The following EVI5 variants were observed in gnomAD, a reference collection of about 807,000 sequenced individuals.
EVI5 encodes ecotropic viral integration site 5.
Under a neutral mutation model 112.0 loss-of-function variants are expected in EVI5, and 73 were observed. The observed-to-expected ratio is 0.65, with a 90% confidence interval of 0.54 to 0.79. The LOEUF (loss-of-function observed/expected upper bound fraction) is 0.79, where lower values mean the gene tolerates loss of function less well. Ranked by LOEUF, EVI5 falls within the 30% of genes least tolerant of loss-of-function variation. The pLI, the probability that EVI5 is intolerant of heterozygous loss-of-function variation, is 0.00. For missense variants in EVI5, 900 were observed against 968.8 expected (o/e 0.93, Z 0.94); for synonymous variants, 305 against 319.9 (o/e 0.95, Z 0.50).
At chr1:92,514,655 C>A (rs1196023547) in intron 19 of EVI5, among the ~76,000 whole-genome samples, 1 of 152,134 alleles carries the variant, frequency 6.6e-6, no homozygotes, top group Non-Finnish European at 1.5e-5. Context: ...GTACCCATCA[C>A]CTAATTTCAA....
At chr1:92,514,061 C>T (rs1659482797) in intron 19 of EVI5, 91 bp from the exon 20 acceptor site, 2 of 757,130 alleles carry the variant, frequency 2.6e-6, no homozygotes, top group East Asian at 2.7e-5. Flanking sequence ...GAAGAAGATG[C>T]CTTATTATTT....
chr1:92,760,990 G>A (rs1441714563), intron 1 of EVI5, among the ~76,000 whole-genome samples: 2 of 149,326 alleles, frequency 1.3e-5, no homozygotes, highest in Non-Finnish European at 3.0e-5. Context: ...CCCGGGAGGC[G>A]GAGCCTGCAG....
intron 1 of EVI5, among the ~76,000 whole-genome samples, chr1:92,775,100 A>G (rs1485235970): frequency 6.6e-6 from 1 of 152,234 alleles, no homozygotes; most frequent in Non-Finnish European, 1.5e-5. Flanking sequence ...TGCACCGCAT[A>G]AGAACATTTC....
chr1:92,761,827 C>G (rs1327740592), intron 1 of EVI5, among the ~76,000 whole-genome samples: 1 of 152,134 alleles, frequency 6.6e-6, no homozygotes, highest in African/African-American at 2.4e-5. Context: ...GGATTTAAGA[C>G]TAGTACAAAT....
In EVI5 at chr1:92,783,523, G is replaced by T. The variant is rs1307276159; in HGVS notation, c.-82+1313C>A. Among the ~76,000 whole-genome samples the T allele has an allele frequency of 6.3e-4, 88 of 139,852 alleles. 2 individuals are homozygous for T. Among genetic ancestry groups the T allele is most frequent in the African/African-American group, 2.3e-3 (85 of 37,586 alleles). The allele number at this position is 139,852 out of a possible 152,430, so 91.7% of individuals were successfully genotyped here. A position where few individuals can be genotyped will look rare whatever the true frequency, so the allele number is the denominator to read the frequency against. On this transcript the variant is annotated intron_variant, in intron 1 of 19. Coordinates refer to ENST00000684568, the MANE Select transcript of EVI5 (RefSeq NM_001350197.2). ...AAAAAAAAAAGAAAAGAAAAGAAAAGAAAAAGAAGGCCGGGCACGGTGGCT... is the reference window on the plus strand; with the variant it reads ...AAAAAAAAAAGAAAAGAAAAGAAAATAAAAAGAAGGCCGGGCACGGTGGCT...
In EVI5 at chr1:92,679,274, G is replaced by A. The variant is rs1469895364; in HGVS notation, c.1098-2056C>T. Among the ~76,000 whole-genome samples the A allele has an allele frequency of 3.9e-5, 6 of 152,264 alleles. No homozygotes were observed. The South Asian group carries it at 6.2e-4, about 16-fold the overall frequency. On this transcript the variant is annotated intron_variant, in intron 9 of 19. Coordinates refer to ENST00000684568, the MANE Select transcript of EVI5 (RefSeq NM_001350197.2). ...CATAAGTGGAGAAATGGTCTTCCAC[G>A]AAAGCGGTCCCTAGTGTCAAAAAGG... is the stretch of plus-strand genomic sequence containing the variant.
intron 5 of EVI5, chr1:92,700,773 T>C (rs142623320): frequency 6.6e-6 from 1 of 152,178 alleles, no homozygotes; most frequent in African/African-American, 2.4e-5. Context: ...ATAAAAGGAA[T>C]AGAACAGCAG....
At chr1:92,663,198 T>C (rs896797332) in intron 12 of EVI5, among the ~76,000 whole-genome samples, 1 of 152,178 alleles carries the variant, frequency 6.6e-6, no homozygotes, top group Non-Finnish European at 1.5e-5. Context: ...TTGAAATAAA[T>C]ACTTTAAAAA....
chr1:92,546,483 G>C (rs942172876), intron 19 of EVI5, among the ~76,000 whole-genome samples: 1 of 152,118 alleles, frequency 6.6e-6, no homozygotes, highest in African/African-American at 2.4e-5. Flanking sequence ...TGGATCACAA[G>C]GTCAGGAGTT....
chr1:92,670,465 G>A (rs568243546), intron 10 of EVI5, among the ~76,000 whole-genome samples: 13 of 152,106 alleles, frequency 8.5e-5, no homozygotes, highest in Middle Eastern at 3.4e-3. Context: ...ATCATTATAC[G>A]GCTCCCTTGC....
intron 1 of EVI5, among the ~76,000 whole-genome samples, chr1:92,744,527 C>G (rs1337024718): frequency 6.6e-6 from 1 of 151,260 alleles, no homozygotes; most frequent in African/African-American, 2.4e-5. Flanking sequence ...TGTCTTTATC[C>G]CTGATAATTC....
intron 14 of EVI5, among the ~76,000 whole-genome samples, chr1:92,634,530 C>T (rs1465072028): frequency 3.3e-5 from 5 of 152,190 alleles, no homozygotes; most frequent in African/African-American, 1.2e-4. Context: ...TCAGCTCCAT[C>T]AGGTCCTTTA....
intron 18 of EVI5, among the ~76,000 whole-genome samples, chr1:92,601,615 G>T (rs1379318129): frequency 2.6e-5 from 4 of 152,142 alleles, no homozygotes; most frequent in African/African-American, 9.6e-5. Context: ...GGCTCAGAAA[G>T]ACAAACACTA....
At chr1:92,763,035 T>C (rs1041536620) in intron 1 of EVI5, among the ~76,000 whole-genome samples, 3 of 151,672 alleles carry the variant, frequency 2.0e-5, no homozygotes, top group African/African-American at 7.3e-5. Flanking sequence ...AAGGCCAAGG[T>C]AGGAGGATCA....
At chr1:92,676,054 A>G (rs1305425433) in intron 10 of EVI5, among the ~76,000 whole-genome samples, 1 of 151,634 alleles carries the variant, frequency 6.6e-6, no homozygotes, top group Non-Finnish European at 1.5e-5. Context: ...AAAAACATCC[A>G]CAGGGGTCTT....
chr1:92,655,946 G>C (rs1662926192), intron 13 of EVI5, among the ~76,000 whole-genome samples: 1 of 152,026 alleles, frequency 6.6e-6, no homozygotes, highest in Non-Finnish European at 1.5e-5. Context: ...TAAGAAAAGA[G>C]ACAGCAAAAC....
At chr1:92,723,765 C>T (rs1675119363) in intron 2 of EVI5, among the ~76,000 whole-genome samples, 1 of 152,186 alleles carries the variant, frequency 6.6e-6, no homozygotes, top group Non-Finnish European at 1.5e-5. Context: ...AGAACAGAGC[C>T]ATATTTTTCT....
intron 19 of EVI5, among the ~76,000 whole-genome samples, chr1:92,544,560 T>C (rs891800376): frequency 3.9e-5 from 6 of 152,294 alleles, no homozygotes; most frequent in African/African-American, 1.4e-4. Context: ...TCATTTAAAA[T>C]TTAAAATGAA....
At chr1:92,530,073 T>C (rs1361420242) in intron 19 of EVI5, among the ~76,000 whole-genome samples, 1 of 152,168 alleles carries the variant, frequency 6.6e-6, no homozygotes, top group African/African-American at 2.4e-5. Flanking sequence ...CTCTCTTCTG[T>C]TAGACCCTTG....
Sources: gnomAD v4.1 joint callset for allele counts (sites outside exome capture counted in the v4.1 genomes callset) on GRCh38, gnomAD v4.1.1 for gene constraint, MANE v1.5 for transcripts, NCBI Gene and HGNC (gene_info 2026-07-23, HGNC 2026-07-21) for gene names.